Variants in CFAP90 observed in about 807,000 individuals in gnomAD.
CFAP90 encodes cilia- and flagella-associated protein 90.
At chr5:7,840,451 G>A in the CFAP90 span, among the ~76,000 whole-genome samples, 1 of 152,190 alleles carries the variant, frequency 6.6e-6, no homozygotes, top group Non-Finnish European at 1.5e-5. Flanking sequence ...ACCACAGACT[G>A]AGAAGAGAAA....
the CFAP90 span, among the ~76,000 whole-genome samples, chr5:7,847,457 TTTTTC>T: frequency 6.6e-6 from 1 of 151,832 alleles, no homozygotes; most frequent in Non-Finnish European, 1.5e-5. Context: ...GGTGGGAAAC[TTTTTC>T]TGTAAAGGGC....
the CFAP90 span, among the ~76,000 whole-genome samples, chr5:7,836,425 C>G: frequency 6.6e-6 from 1 of 152,088 alleles, no homozygotes; most frequent in Non-Finnish European, 1.5e-5. Flanking sequence ...AATCAACTGA[C>G]AGAAGGGAGA....
chr5:7,835,479 TAG>T, the CFAP90 span: 1 of 1,576,076 alleles, frequency 6.3e-7, no homozygotes. Flanking sequence ...AATACAATCA[TAG>T]AGGGAAATAA....
chr5:7,836,308 C>A, the CFAP90 span, among the ~76,000 whole-genome samples: 1 of 152,138 alleles, frequency 6.6e-6, no homozygotes, highest in Non-Finnish European at 1.5e-5. Context: ...GAAAAACAAA[C>A]AATACCTACA....
chr5:7,836,688 G>T, the CFAP90 span, among the ~76,000 whole-genome samples: 1 of 152,232 alleles, frequency 6.6e-6, no homozygotes, highest in South Asian at 2.1e-4. Flanking sequence ...TATGACAAAA[G>T]TCTGTCCAGG....
chr5:7,832,424 T>A, the CFAP90 span, among the ~76,000 whole-genome samples: 1 of 152,034 alleles, frequency 6.6e-6, no homozygotes, highest in Non-Finnish European at 1.5e-5. Flanking sequence ...TCCCTCTCAC[T>A]TTCCCCATCT....
At chr5:7,838,141 G>A in the CFAP90 span, among the ~76,000 whole-genome samples, 5 of 152,160 alleles carry the variant, frequency 3.3e-5, no homozygotes, top group Admixed American at 6.5e-5. Flanking sequence ...GTGACAATTG[G>A]CTAGTTTTTT....
chr5:7,843,806 G>T, the CFAP90 span, among the ~76,000 whole-genome samples: 1 of 152,296 alleles, frequency 6.6e-6, no homozygotes, highest in East Asian at 1.9e-4. Context: ...AAAACGGGGT[G>T]ATTTTGAAAA....
the CFAP90 span, among the ~76,000 whole-genome samples, chr5:7,842,306 C>T: frequency 3.4e-5 from 3 of 87,282 alleles, no homozygotes; most frequent in African/African-American, 1.8e-4. Flanking sequence ...GTAAGTTCTA[C>T]AAGAAAGAAA....
At chr5:7,836,832 G>A in the CFAP90 span, among the ~76,000 whole-genome samples, 152,125 of 152,212 alleles carry the variant, frequency 1, 76,020 homozygotes, top group Middle Eastern at 1. Context: ...TTTAGAGACC[G>A]ACTTCATCAA....
the CFAP90 span, chr5:7,832,144 T>A: frequency 9.7e-7 from 1 of 1,028,020 alleles, no homozygotes; most frequent in Non-Finnish European, 1.4e-6. Flanking sequence ...CCCACCATGG[T>A]AGACCAAGAG....
the CFAP90 span, chr5:7,850,901 G>C: frequency 7.4e-7 from 1 of 1,357,236 alleles, no homozygotes; most frequent in African/African-American, 1.5e-5. Flanking sequence ...TAGTAGCTGT[G>C]CTCTTTGGGG....
the CFAP90 span, among the ~76,000 whole-genome samples, chr5:7,838,612 C>T: frequency 6.6e-6 from 1 of 152,226 alleles, no homozygotes; most frequent in African/African-American, 2.4e-5. Context: ...CCATCACCCC[C>T]ATGCCACCCC....
chr5:7,833,570 A>G, the CFAP90 span, among the ~76,000 whole-genome samples: 1 of 152,178 alleles, frequency 6.6e-6, no homozygotes, highest in East Asian at 1.9e-4. Flanking sequence ...ACATATGCCC[A>G]CACACAAACA....
At chr5:7,850,936 C>T in the CFAP90 span, 15 of 1,353,524 alleles carry the variant, frequency 1.1e-5, no homozygotes, top group South Asian at 3.4e-4. Flanking sequence ...CGGGATGTAG[C>T]TGAAGGCGGA....
the CFAP90 span, among the ~76,000 whole-genome samples, chr5:7,836,443 A>G: frequency 6.6e-6 from 1 of 152,176 alleles, no homozygotes. Flanking sequence ...AGATTAAAAG[A>G]AGAAAGGGCA....
At chr5:7,832,501 C>A in the CFAP90 span, among the ~76,000 whole-genome samples, 3 of 151,952 alleles carry the variant, frequency 2.0e-5, no homozygotes, top group African/African-American at 7.3e-5. Context: ...CTCATCATTT[C>A]TTTTTTTTCT....
chr5:7,833,566 G>A, the CFAP90 span, among the ~76,000 whole-genome samples: 32,569 of 151,692 alleles, frequency 0.21, 3,716 homozygotes, highest in Middle Eastern at 0.28. Context: ...TTACACATAT[G>A]CCCACACACA....
At chr5:7,831,640 TA>T in the CFAP90 span, 8 of 521,358 alleles carry the variant, frequency 1.5e-5, no homozygotes, top group African/African-American at 1.1e-4. Context: ...TCACATGTAC[TA>T]AAGGTGTTGT....
Sources: allele counts gnomAD v4.1 joint callset (sites outside exome capture counted in the v4.1 genomes callset), GRCh38; gene constraint gnomAD v4.1.1; transcripts MANE v1.5; gene names NCBI Gene and HGNC (gene_info 2026-07-23, HGNC 2026-07-21).